The following ANXA11 variants were observed in gnomAD, a reference collection of about 807,000 sequenced individuals.
The protein encoded by ANXA11 is annexin A11.
A neutral mutation model predicts 64.7 loss-of-function variants in ANXA11; 57 were observed. The ratio of observed to expected loss-of-function variants is 0.88; its 90% CI spans 0.71 to 1.10. The LOEUF (loss-of-function observed/expected upper bound fraction) is 1.10, where lower values mean the gene tolerates loss of function less well. Ranked by LOEUF, ANXA11 falls within the 50% of genes least tolerant of loss-of-function variation. The probability of loss-of-function intolerance (pLI) is 0.00; values close to 1 mark genes in which losing one functional copy is unlikely to be tolerated. For missense variants in ANXA11, 675 were observed against 670.7 expected (o/e 1.01, Z -0.07); for synonymous variants, 260 against 265.2 (o/e 0.98, Z 0.19).
At chr10:80,196,098 T>C (rs141755460) in intron 1 of ANXA11, among the ~76,000 whole-genome samples, 1 of 152,356 alleles carries the variant, frequency 6.6e-6, no homozygotes, top group East Asian at 1.9e-4. Context: ...TAATAAGCTC[T>C]CCTTTTTCTA....
chr10:80,157,976 C>A lies in ANXA11; in HGVS notation c.1326G>T (p.Lys442Asn). The change falls in exon 14 of 16, where the codon AAG (lysine) becomes AAT (asparagine). Residue 442 changes from lysine (K) to asparagine (N), a missense_variant. Transcript: ENST00000422982. ...CATGGAAGTTACATACCCTCATGGC[C>A]TTGTTGAGCCTCTCCGCAAAGAAGG... ...TPAFFAERLN[K>N]AMRGAGTKDR... 1 of 1,614,076 alleles carries A rather than the reference C, an allele frequency of 6.2e-7. No individual in the cohort carries two copies. The highest frequency in any genetic ancestry group is 8.5e-7 in the Non-Finnish European group (1 of 1,179,956).
chr10:80,198,773 C>T (rs1250261487), intron 1 of ANXA11, among the ~76,000 whole-genome samples: 1 of 147,628 alleles, frequency 6.8e-6, no homozygotes, highest in Non-Finnish European at 1.5e-5. Context: ...GAGAGAGAGA[C>T]GGGGCTCCTC....
intron 1 of ANXA11, among the ~76,000 whole-genome samples, chr10:80,205,133 C>G (rs922319406): frequency 2.4e-4 from 36 of 152,202 alleles, no homozygotes; most frequent in African/African-American, 8.4e-4. Flanking sequence ...GACGCCGAGG[C>G]TGATCTAGGG....
rs754651765 is a variant in ANXA11 at position 80,185,217 on chromosome 10, C to T, written c.-57-9062G>A. ...AAGTCTGTTTGCTTCTGAACACCTA[C>T]CATCTACTGCCCCCAGAAGTCTTGC... On this transcript the variant is annotated intron_variant, in intron 1 of 15. Coordinates refer to ENST00000422982, the MANE Select transcript of ANXA11 (RefSeq NM_145868.2). Among the ~76,000 whole-genome samples, 51 of 152,192 alleles carry T rather than the reference C, an allele frequency of 3.4e-4. 1 individual carries two copies. Among genetic ancestry groups the T allele is most frequent in the Non-Finnish European group, 6.2e-4 (42 of 68,042 alleles).
intron 1 of ANXA11, among the ~76,000 whole-genome samples, chr10:80,204,251 A>G (rs547964057): frequency 6.6e-6 from 1 of 152,386 alleles, no homozygotes; most frequent in Admixed American, 6.5e-5. Flanking sequence ...GGCCTCTCTT[A>G]TCAGGGAACA....
chr10:80,169,390 A>G (rs759106917), intron 4 of ANXA11, 32 bp from the exon 5 acceptor site: 138 of 1,599,052 alleles, frequency 8.6e-5, no homozygotes, highest in Admixed American at 2.7e-4. Flanking sequence ...CCTGAGGCCA[A>G]TGGGCCCTGC....
At chr10:80,165,967 T>C (rs1301212080) in intron 8 of ANXA11, 117 bp downstream of exon 8, 1 of 627,952 alleles carries the variant, frequency 1.6e-6, no homozygotes, top group African/African-American at 1.9e-5. Context: ...ATGAGTGGGC[T>C]AGAACACAGC....
At chr10:80,182,763 T>A (rs1846400962) in intron 1 of ANXA11, among the ~76,000 whole-genome samples, 1 of 152,186 alleles carries the variant, frequency 6.6e-6, no homozygotes. Context: ...CTGCAAACTC[T>A]CTTCACTCCG....
chr10:80,156,011 A>G (rs1209210939), intron 15 of ANXA11, 99 bp from the exon 16 acceptor site: 1 of 1,261,210 alleles, frequency 7.9e-7, no homozygotes, highest in Non-Finnish European at 1.2e-6. Flanking sequence ...TATAGGGAGA[A>G]AGCCCCACCC....
At chr10:80,197,236 C>T (rs940123207) in intron 1 of ANXA11, among the ~76,000 whole-genome samples, 39 of 152,190 alleles carry the variant, frequency 2.6e-4, no homozygotes, top group Non-Finnish European at 2.9e-5. Context: ...CCCAACCACT[C>T]AACGTATTTC....
chr10:80,167,400 A>G, intron 5 of ANXA11, 87 bp from the exon 6 acceptor site: 3 of 1,211,824 alleles, frequency 2.5e-6, no homozygotes, highest in Non-Finnish European at 3.6e-6. Flanking sequence ...CTCTGGGAAC[A>G]GCCCTTTCTC....
intron 8 of ANXA11, among the ~76,000 whole-genome samples, chr10:80,165,057 C>T (rs1845669104): frequency 6.6e-6 from 1 of 152,236 alleles, no homozygotes; most frequent in Admixed American, 6.5e-5. Context: ...CACTCCACAA[C>T]CACCAGCTCA....
intron 6 of ANXA11, 94 bp downstream of exon 6, chr10:80,167,132 C>G (rs150399376): frequency 2.9e-6 from 4 of 1,368,902 alleles, no homozygotes; most frequent in African/African-American, 1.4e-5. Flanking sequence ...GCCAGGTCAG[C>G]GTCCCCCAGC....
At chr10:80,166,734 C>T (rs1263888992) in intron 7 of ANXA11, 156 bp downstream of exon 7, 15 of 644,618 alleles carry the variant, frequency 2.3e-5, no homozygotes, top group African/African-American at 3.6e-5. Flanking sequence ...CACCTCCCAA[C>T]GATGCCACCA....
intron 1 of ANXA11, among the ~76,000 whole-genome samples, chr10:80,197,058 C>A (rs1840202345): frequency 6.6e-6 from 1 of 152,210 alleles, no homozygotes; most frequent in African/African-American, 2.4e-5. Flanking sequence ...CTGGAAAGGG[C>A]CTTCATGAAA....
chr10:80,204,621 T>G (rs1219001215), intron 1 of ANXA11, among the ~76,000 whole-genome samples: 2 of 152,156 alleles, frequency 1.3e-5, no homozygotes, highest in African/African-American at 2.4e-5. Context: ...CCCTCCAAAG[T>G]CTCTAGGTAA....
chr10:80,166,041 C>CGTGT (rs1554831698), intron 8 of ANXA11, 43 bp downstream of exon 8: 1 of 247,996 alleles, frequency 4.0e-6, no homozygotes. Context: ...CACACACGCG[C>CGTGT]GCACACACAC....
intron 1 of ANXA11, among the ~76,000 whole-genome samples, chr10:80,193,426 A>G (rs1846854703): frequency 6.6e-6 from 1 of 152,232 alleles, no homozygotes; most frequent in Non-Finnish European, 1.5e-5. Flanking sequence ...TTTTGGATCA[A>G]CATATTTGGC....
At chr10:80,156,682 T>G (rs1329572154) in intron 15 of ANXA11, among the ~76,000 whole-genome samples, 1 of 152,166 alleles carries the variant, frequency 6.6e-6, no homozygotes, top group Non-Finnish European at 1.5e-5. Flanking sequence ...TTTTGTATTT[T>G]TAGTAGAGAC....
Sources: gnomAD v4.1 joint callset for allele counts (sites outside exome capture counted in the v4.1 genomes callset) on GRCh38, gnomAD v4.1.1 for gene constraint, MANE v1.5 for transcripts, NCBI Gene and HGNC (gene_info 2026-07-23, HGNC 2026-07-21) for gene names.